The following GSG1L variants were observed in gnomAD, a reference collection of about 807,000 sequenced individuals.
GSG1L encodes germ cell-specific gene 1-like protein.
In GSG1L, 24 loss-of-function variants were observed where a neutral mutation model predicts 42.1. The ratio of observed to expected loss-of-function variants is 0.57; its 90% CI spans 0.41 to 0.80. GSG1L has a LOEUF of 0.80. Among genes scored for constraint, GSG1L ranks in the 30% least tolerant of loss-of-function variants. The pLI is 0.00. For synonymous variants in GSG1L, 215 were observed against 203.5 expected, an observed-to-expected ratio of 1.06 and a Z score of -0.48; for missense variants, 445 against 472.2, an observed-to-expected ratio of 0.94 and a Z score of 0.53.
intron 5 of GSG1L, among the ~76,000 whole-genome samples, chr16:27,811,852 T>G (rs1225619037): frequency 4.6e-5 from 7 of 152,186 alleles, no homozygotes; most frequent in Non-Finnish European, 8.8e-5. Context: ...GGTTTTGCCA[T>G]GTTGACCAGG....
At chr16:27,969,967 A>G (rs1436234835) in intron 1 of GSG1L, among the ~76,000 whole-genome samples, 2 of 152,200 alleles carry the variant, frequency 1.3e-5, no homozygotes, top group African/African-American at 4.8e-5. Flanking sequence ...AATGATGTTG[A>G]GCATCTTTTC....
At chr16:27,850,904 G>A (rs548059138) in intron 3 of GSG1L, among the ~76,000 whole-genome samples, 8 of 151,422 alleles carry the variant, frequency 5.3e-5, no homozygotes, top group Non-Finnish European at 1.0e-4. Context: ...GCCTCCCAAA[G>A]CTCTGGAATT....
chr16:27,855,163 G>A (rs1477336376), intron 3 of GSG1L, among the ~76,000 whole-genome samples: 2 of 152,180 alleles, frequency 1.3e-5, no homozygotes, highest in Non-Finnish European at 2.9e-5. Flanking sequence ...ACTCTGCAAG[G>A]GATCCTCCCC....
chr16:27,803,796 G>GATAT (rs879523842), intron 6 of GSG1L, among the ~76,000 whole-genome samples: 76 of 73,820 alleles, frequency 1.0e-3, no homozygotes, highest in African/African-American at 3.5e-3. Context: ...TATATATATA[G>GATAT]ATAGATAGAT....
chr16:27,803,392 A>T (rs918738814), intron 6 of GSG1L, among the ~76,000 whole-genome samples: 1 of 151,906 alleles, frequency 6.6e-6, no homozygotes, highest in African/African-American at 2.4e-5. Context: ...GCTCAGATAC[A>T]TATGCTCTGC....
At position 27,789,031 on chromosome 16, in the gene GSG1L, C is replaced by G. The variant is rs2082721928; in HGVS notation, c.*2339G>C. ...CTATATCAGTGAATAGATGGATGCA[C>G]AGCTGGATGGTTGAGTAATGAGGAT... On this transcript the variant is annotated 3_prime_UTR_variant, in exon 7 of 7. Coordinates refer to ENST00000447459, the MANE Select transcript of GSG1L (RefSeq NM_001109763.2). 6.6e-6 allele frequency: 1 copy of G among 152,164 alleles called. No individual in the cohort carries two copies. The highest frequency in any genetic ancestry group is 2.1e-4 in the South Asian group (1 of 4,826). 9.4% of individuals were successfully genotyped at this position (152,164 alleles called of 1,614,324 possible). A position where few individuals can be genotyped will look rare whatever the true frequency, so the allele number is the denominator to read the frequency against.
chr16:27,919,618 C>G (rs1032325727), intron 2 of GSG1L, among the ~76,000 whole-genome samples: 2 of 152,104 alleles, frequency 1.3e-5, no homozygotes, highest in African/African-American at 4.8e-5. Flanking sequence ...TCATGGCAGC[C>G]AAGAAGATGG....
rs150480974 is a variant in GSG1L, at chr16:27,884,759, G to A, written c.398-121C>T. ...TCATTCTAGAATAGAACCTGGTTCTGGGGGAGGTCCTGATGGAAGCCTGTC... is the reference window on the plus strand; with the variant it reads ...TCATTCTAGAATAGAACCTGGTTCTAGGGGAGGTCCTGATGGAAGCCTGTC... On this transcript the variant is annotated intron_variant, in intron 2 of 6. Transcript: ENST00000447459. The surrounding 1 kb of genome is among the most constrained non-coding windows in gnomAD (Gnocchi z 4.4). 6.9e-4 allele frequency: 687 copies of A among 1,002,128 alleles called. 5 individuals are homozygous for A. In the African/African-American group the frequency reaches 9.9e-3, roughly 14 times the overall value. 62.1% of individuals were successfully genotyped at this position (1,002,128 alleles called of 1,614,324 possible).
intron 1 of GSG1L, among the ~76,000 whole-genome samples, chr16:28,055,543 C>T (rs2086269962): frequency 6.6e-6 from 1 of 152,032 alleles, no homozygotes; most frequent in African/African-American, 2.4e-5. Context: ...ACGATCTCAG[C>T]TCACTGCAAC....
At chr16:27,904,387 A>G (rs564674418) in intron 2 of GSG1L, among the ~76,000 whole-genome samples, 6 of 152,152 alleles carry the variant, frequency 3.9e-5, no homozygotes, top group Admixed American at 3.9e-4. Context: ...TTTTGCCTAA[A>G]TGTCACTTCT....
At chr16:27,802,611 C>T (rs1026688256) in intron 6 of GSG1L, among the ~76,000 whole-genome samples, 7 of 152,066 alleles carry the variant, frequency 4.6e-5, no homozygotes, top group African/African-American at 1.7e-4. Context: ...CGGCCTCTGG[C>T]TCCCCTGAAC....
chr16:27,885,745 G>T (rs1214593320), intron 2 of GSG1L, among the ~76,000 whole-genome samples: 1 of 152,204 alleles, frequency 6.6e-6, no homozygotes, highest in African/African-American at 2.4e-5. Flanking sequence ...CAGTTCAGAT[G>T]AGAGTCTGAG....
intron 2 of GSG1L, among the ~76,000 whole-genome samples, chr16:27,903,749 T>A (rs71389819): frequency 0.066 from 9,971 of 152,006 alleles, 370 homozygotes; most frequent in Non-Finnish European, 0.085. Flanking sequence ...GAGTGCAGTA[T>A]CCTGGCACCC....
At chr16:27,947,414 AAGAAAG>A in intron 2 of GSG1L, among the ~76,000 whole-genome samples, 1 of 149,618 alleles carries the variant, frequency 6.7e-6, no homozygotes, top group Non-Finnish European at 1.5e-5. Context: ...GAAAGAAAGA[AAGAAAG>A]AAAGAAAGAG....
chr16:27,818,495 C>G (rs1597471147), intron 5 of GSG1L, among the ~76,000 whole-genome samples: 2 of 152,110 alleles, frequency 1.3e-5, no homozygotes, highest in Admixed American at 1.3e-4. Context: ...TCAAAGGACC[C>G]CAACACTGGG....
chr16:27,791,534 G>A lies in GSG1L; in HGVS notation c.899-67C>T, dbSNP rs1280347332. On this transcript the variant is annotated intron_variant, in intron 6 of 6. Transcript: ENST00000447459. The stretch of plus-strand genomic sequence containing the variant: ...TCCACCCACATCCTGTCTACCCACC[G>A]CCCCCCACCCACACATCCATCACTC... 21 of 1,043,490 alleles carry A rather than the reference G, an allele frequency of 2.0e-5. No homozygotes were observed. The Middle Eastern group carries it at 9.1e-4, about 45-fold the overall frequency. The allele number at this position is 1,043,490 out of a possible 1,614,324, so 64.6% of individuals were successfully genotyped here.
intron 1 of GSG1L, among the ~76,000 whole-genome samples, chr16:28,024,714 A>G (rs538665388): frequency 1.3e-5 from 2 of 152,300 alleles, no homozygotes; most frequent in Non-Finnish European, 2.9e-5. Context: ...TCTTGACTGT[A>G]AAATAGGAGT....
chr16:27,865,656 T>C (rs1261596861), intron 3 of GSG1L, among the ~76,000 whole-genome samples: 4 of 148,640 alleles, frequency 2.7e-5, no homozygotes, highest in African/African-American at 7.4e-5. Context: ...TGTATGTATA[T>C]ATATATATAT....
chr16:27,948,845 G>A (rs1057509954), intron 2 of GSG1L, among the ~76,000 whole-genome samples: 46 of 149,836 alleles, frequency 3.1e-4, no homozygotes, highest in Admixed American at 9.3e-4. Flanking sequence ...TCCTGACCTC[G>A]TGATCCGCCT....
Sources: gnomAD v4.1 joint callset for allele counts (sites outside exome capture counted in the v4.1 genomes callset) on GRCh38, gnomAD v4.1.1 for gene constraint, Gnocchi (gnomAD v3.1) non-coding constraint, MANE v1.5 for transcripts, NCBI Gene and HGNC (gene_info 2026-07-23, HGNC 2026-07-21) for gene names.